The following SGF29 variants were observed in gnomAD, a reference collection of about 807,000 sequenced individuals.
SGF29 encodes SAGA-associated factor 29.
A neutral mutation model predicts 38.1 loss-of-function variants in SGF29; 15 were observed. The ratio of observed to expected loss-of-function variants is 0.39; its 90% CI spans 0.26 to 0.61. The LOEUF (loss-of-function observed/expected upper bound fraction) is 0.61. Among genes scored for constraint, SGF29 ranks in the 20% least tolerant of loss-of-function variants. SGF29 has a pLI of 0.49. For missense variants in SGF29, 184 were observed against 394.6 expected, an observed-to-expected ratio of 0.47 and a Z score of 4.52; for synonymous variants, 151 against 160.8, an observed-to-expected ratio of 0.94 and a Z score of 0.46.
intron 1 of SGF29, among the ~76,000 whole-genome samples, chr16:28,569,809 A>G (rs1008119907): frequency 2.0e-5 from 3 of 152,198 alleles, no homozygotes; most frequent in Non-Finnish European, 4.4e-5. Flanking sequence ...CACCCCCATC[A>G]CAGGCCCAGA....
chr16:28,582,380 G>GC (rs144413518), intron 2 of SGF29, among the ~76,000 whole-genome samples: 2 of 73,726 alleles, frequency 2.7e-5, no homozygotes, highest in African/African-American at 8.1e-5. Context: ...GTACCATGAT[G>GC]GGGGGCACGC....
At chr16:28,573,759 G>T (rs982257661) in intron 1 of SGF29, among the ~76,000 whole-genome samples, 4 of 152,116 alleles carry the variant, frequency 2.6e-5, no homozygotes, top group Non-Finnish European at 5.9e-5. Context: ...AAAGTCTCTG[G>T]CTTCCCTTCC....
chr16:28,584,072 G>T (rs1009518252), intron 2 of SGF29, among the ~76,000 whole-genome samples: 1 of 151,124 alleles, frequency 6.6e-6, no homozygotes, highest in Admixed American at 6.6e-5. Context: ...ACCCAGGCTG[G>T]AGTGCAGTGA....
intron 1 of SGF29, among the ~76,000 whole-genome samples, chr16:28,564,809 A>T: frequency 7.1e-6 from 1 of 140,040 alleles, no homozygotes; most frequent in African/African-American, 2.6e-5. Context: ...ACACACACAA[A>T]CACACACACA....
At chr16:28,557,767 G>C (rs1397310269) in intron 1 of SGF29, among the ~76,000 whole-genome samples, 4 of 152,102 alleles carry the variant, frequency 2.6e-5, no homozygotes, top group Non-Finnish European at 5.9e-5. Flanking sequence ...TGGATTGATT[G>C]GTGTTGGGGA....
chr16:28,555,644 A>G (rs1435710306), intron 1 of SGF29, among the ~76,000 whole-genome samples: 1 of 152,254 alleles, frequency 6.6e-6, no homozygotes, highest in Non-Finnish European at 1.5e-5. Flanking sequence ...GCCATCTGCA[A>G]GCTGGAAGCC....
At chr16:28,585,532 G>T in intron 3 of SGF29, 116 bp from the exon 4 acceptor site, 1 of 927,948 alleles carries the variant, frequency 1.1e-6, no homozygotes, top group South Asian at 1.4e-5. Flanking sequence ...GCAGAGCTCT[G>T]ACTGCAGCTA....
At chr16:28,561,981 T>C (rs913104232) in intron 1 of SGF29, among the ~76,000 whole-genome samples, 2 of 152,212 alleles carry the variant, frequency 1.3e-5, no homozygotes. Context: ...GATCCAGAGA[T>C]AGCAGCACTT....
intron 4 of SGF29, 76 bp downstream of exon 4, chr16:28,585,796 T>TC: frequency 7.3e-7 from 1 of 1,365,676 alleles, no homozygotes; most frequent in South Asian, 1.2e-5. Flanking sequence ...TTGGACCAAG[T>TC]CCCCAGCCTG....
intron 1 of SGF29, among the ~76,000 whole-genome samples, chr16:28,575,326 G>A (rs548318803): frequency 6.6e-6 from 1 of 152,310 alleles, no homozygotes; most frequent in East Asian, 1.9e-4. Context: ...ATCACAAGCA[G>A]CTAAAAGAAA....
intron 1 of SGF29, among the ~76,000 whole-genome samples, chr16:28,576,430 G>T (rs772336902): frequency 2.6e-4 from 39 of 152,294 alleles, no homozygotes; most frequent in Non-Finnish European, 4.0e-4. Context: ...GCCGGGCGCA[G>T]TGGCTCACAC....
chr16:28,566,056 G>A (rs1440621844), intron 1 of SGF29, among the ~76,000 whole-genome samples: 1 of 151,232 alleles, frequency 6.6e-6, no homozygotes, highest in Non-Finnish European at 1.5e-5. Context: ...GGCAGATCAC[G>A]AGGTTAGGAG....
At chr16:28,555,392 C>T (rs1197306381) in intron 1 of SGF29, among the ~76,000 whole-genome samples, 1 of 152,152 alleles carries the variant, frequency 6.6e-6, no homozygotes, top group East Asian at 1.9e-4. Flanking sequence ...ACAATAATCA[C>T]TTAAACCCAG....
At chr16:28,566,149 C>T (rs531865095) in intron 1 of SGF29, among the ~76,000 whole-genome samples, 6 of 151,988 alleles carry the variant, frequency 3.9e-5, no homozygotes, top group Admixed American at 3.9e-4. Context: ...TGGCGGGCGC[C>T]TGTAGTCCCA....
At chr16:28,585,173 C>G (rs974806867) in intron 3 of SGF29, 185 bp downstream of exon 3, 6 of 573,166 alleles carry the variant, frequency 1.0e-5, no homozygotes, top group Non-Finnish European at 1.9e-5. Context: ...TCCCTCTACT[C>G]TGAGGATTCG....
intron 1 of SGF29, among the ~76,000 whole-genome samples, chr16:28,564,880 T>C (rs9937474): frequency 0.019 from 2,819 of 149,970 alleles, 102 homozygotes; most frequent in African/African-American, 0.066. Context: ...AATCCCATGA[T>C]AGGCCATCAG....
rs1387082708 is a variant in SGF29, at chr16:28,584,921, T to C, written c.84T>C (p.Arg28=). The C allele has an allele frequency of 1.2e-6, 2 of 1,613,272 alleles. No individual in the cohort carries two copies. The highest frequency in any genetic ancestry group is 2.2e-5 in the East Asian group (1 of 44,864). ...TGCTCTTTTCCTTACAGGAAGAGCG[T>C]TCGCGGAGCGAACACAACTTAGTGA... is the stretch of plus-strand genomic sequence containing the variant. ...HQLIKQTQEE[R]SRSEHNLVNI... The change falls in exon 3 of 10, where the codon CGT becomes CGC. Residue 28 remains arginine, a synonymous_variant. Transcript: ENST00000317058.
intron 1 of SGF29, among the ~76,000 whole-genome samples, chr16:28,574,196 C>T (rs750891204): frequency 1.3e-5 from 2 of 152,184 alleles, no homozygotes; most frequent in African/African-American, 2.4e-5. Flanking sequence ...AGGAGAAGTA[C>T]ACTTGAAGGA....
intron 1 of SGF29, among the ~76,000 whole-genome samples, chr16:28,569,417 T>C (rs1282116331): frequency 2.0e-5 from 3 of 152,118 alleles, no homozygotes; most frequent in Admixed American, 6.5e-5. Context: ...CCTAGCACTT[T>C]AGGAGGTTGA....
Sources: gnomAD v4.1 joint callset for allele counts (sites outside exome capture counted in the v4.1 genomes callset) on GRCh38, gnomAD v4.1.1 for gene constraint, MANE v1.5 for transcripts, NCBI Gene and HGNC (gene_info 2026-07-23, HGNC 2026-07-21) for gene names.